Variants in MLLT10 observed in about 807,000 individuals in gnomAD.
MLLT10 encodes protein AF-10.
Under a neutral mutation model 129.1 loss-of-function variants are expected in MLLT10, and 30 were observed. The ratio of observed to expected loss-of-function variants is 0.23; its 90% CI spans 0.17 to 0.32. The LOEUF (loss-of-function observed/expected upper bound fraction) is 0.32. Ranked by LOEUF, MLLT10 falls within the 10% of genes least tolerant of loss-of-function variation. The pLI is 1.00. For missense variants in MLLT10, 1,119 were observed against 1,268.3 expected (o/e 0.88, Z 1.79); for synonymous variants, 490 against 446.4 (o/e 1.10, Z -1.23).
chr10:21,576,015 C>T (rs2040698238), intron 3 of MLLT10, among the ~76,000 whole-genome samples: 1 of 151,862 alleles, frequency 6.6e-6, no homozygotes, highest in Admixed American at 6.6e-5. Flanking sequence ...CAGCCTTTGC[C>T]TCCTAGATTC....
intron 14 of MLLT10, among the ~76,000 whole-genome samples, chr10:21,716,643 G>A (rs1472792513): frequency 1.5e-4 from 22 of 150,640 alleles, no homozygotes; most frequent in Admixed American, 1.1e-3. Context: ...GTAGTGAGCC[G>A]AGATCATGCC....
intron 8 of MLLT10, among the ~76,000 whole-genome samples, chr10:21,638,102 C>T (rs994584655): frequency 6.6e-6 from 1 of 151,852 alleles, no homozygotes; most frequent in African/African-American, 2.4e-5. Flanking sequence ...ACGTGCTGCT[C>T]TTCTTGGTGG....
rs532579622 is a variant in MLLT10, at chr10:21,621,938, A to T, written c.699+4731A>T. Among the ~76,000 whole-genome samples the T allele has an allele frequency of 9.2e-5, 14 of 152,288 alleles. No homozygotes were observed. The South Asian group carries it at 2.5e-3, about 27-fold the overall frequency. ...AAATACTGTGGTATCCAAATTATTTAAAAATGAAATAACTTAATTTACAAC... is the reference window on the plus strand; with the variant it reads ...AAATACTGTGGTATCCAAATTATTTTAAAATGAAATAACTTAATTTACAAC... On this transcript the variant is annotated intron_variant, in intron 8 of 22. Coordinates refer to ENST00000307729, the MANE Select transcript of MLLT10 (RefSeq NM_001195626.3).
At chr10:21,727,982 A>G (rs2057656742) in intron 16 of MLLT10, 54 bp downstream of exon 16, 1 of 1,464,428 alleles carries the variant, frequency 6.8e-7, no homozygotes, top group Non-Finnish European at 9.5e-7. Flanking sequence ...TGAGATTTGG[A>G]AACTTTCTTA....
chr10:21,549,717 A>G lies in MLLT10; in HGVS notation c.240+10805A>G, dbSNP rs556157084. On this transcript the variant is annotated intron_variant, in intron 3 of 22. Coordinates refer to ENST00000307729, the MANE Select transcript of MLLT10 (RefSeq NM_001195626.3). The stretch of plus-strand genomic sequence containing the variant: ...TGCTCTGTTGCCCAGGCTGGAATGC[A>G]GTGGCCGCGATCCTCTACTTCCCGG... Among the ~76,000 whole-genome samples, 11 of 142,902 alleles carry G rather than the reference A, an allele frequency of 7.7e-5. No individual in the cohort carries two copies. In the East Asian group the frequency reaches 2.2e-3, roughly 29 times the overall value. The allele number at this position is 142,902 out of a possible 152,430, so 93.7% of individuals were successfully genotyped here.
rs570867099 is a variant in MLLT10, at chr10:21,563,031, C to CTGG, written c.241-23261_241-23259dup. Among the ~76,000 whole-genome samples the CTGG allele has an allele frequency of 5.2e-3, 796 of 152,014 alleles. 4 individuals carry two copies. The highest frequency in any genetic ancestry group is 0.024 in the Middle Eastern group (7 of 294). Reference sequence around the variant, plus strand: ...ACAGGGTTTCTCCATGTTGGTCAGGCTGGTCTTGAACTCCCAACCTCAGGT... The same window carrying CTGG: ...ACAGGGTTTCTCCATGTTGGTCAGGCTGGTGGTCTTGAACTCCCAACCTCAGGT... On this transcript the variant is annotated intron_variant, in intron 3 of 22. Coordinates refer to ENST00000307729, the MANE Select transcript of MLLT10 (RefSeq NM_001195626.3).
chr10:21,559,982 T>A (rs1401248571), intron 3 of MLLT10, among the ~76,000 whole-genome samples: 2 of 152,216 alleles, frequency 1.3e-5, no homozygotes. Flanking sequence ...GGAATGAAGT[T>A]GCTGGATCAC....
At chr10:21,737,329 AC>A (rs1345265206) in intron 21 of MLLT10, among the ~76,000 whole-genome samples, 1 of 152,152 alleles carries the variant, frequency 6.6e-6, no homozygotes, top group Non-Finnish European at 1.5e-5. Flanking sequence ...AAGACATGTC[AC>A]TTTGGAAAGC....
At chr10:21,688,535 A>G (rs1374363938) in intron 13 of MLLT10, 15 of 1,612,068 alleles carry the variant, frequency 9.3e-6, no homozygotes, top group Non-Finnish European at 1.1e-5. Context: ...ACTTAAATTC[A>G]TAGGTATGTA....
chr10:21,574,899 T>C (rs1454633587), intron 3 of MLLT10, among the ~76,000 whole-genome samples: 2 of 152,172 alleles, frequency 1.3e-5, no homozygotes, highest in African/African-American at 4.8e-5. Flanking sequence ...GCAAGGTTTT[T>C]ATGTCTTGTA....
intron 3 of MLLT10, chr10:21,557,748 CCAT>C (rs1235200230): frequency 1.3e-5 from 2 of 151,972 alleles, no homozygotes; most frequent in Non-Finnish European, 2.9e-5. Context: ...GATCATGTGC[CCAT>C]CATCTCTGTG....
rs1340910463 is a variant in MLLT10 at position 21,534,625 on chromosome 10, T to A, written c.1-20T>A. On this transcript the variant is annotated intron_variant, in intron 1 of 22. Coordinates refer to ENST00000307729, the MANE Select transcript of MLLT10 (RefSeq NM_001195626.3). ...TCGGCTTGCATGTGTTTTTTAATGG[T>A]CCCCCCAACTCCCTCTTAGATGGTC... The A allele has an allele frequency of 1.3e-6, 2 of 1,590,602 alleles. No homozygotes were observed. Among genetic ancestry groups the A allele is most frequent in the Non-Finnish European group, 1.7e-6 (2 of 1,166,856 alleles).
At chr10:21,571,337 C>G (rs1014488628) in intron 3 of MLLT10, among the ~76,000 whole-genome samples, 2 of 152,222 alleles carry the variant, frequency 1.3e-5, no homozygotes, top group African/African-American at 4.8e-5. Flanking sequence ...CTCTCCAGCT[C>G]TCTACTCAGT....
intron 3 of MLLT10, among the ~76,000 whole-genome samples, chr10:21,560,163 A>C (rs1302560911): frequency 6.6e-6 from 1 of 151,684 alleles, no homozygotes; most frequent in East Asian, 1.9e-4. Flanking sequence ...GCGCCACCAC[A>C]CCCGGCTAAT....
intron 8 of MLLT10, among the ~76,000 whole-genome samples, chr10:21,630,853 C>T (rs1055557995): frequency 3.9e-5 from 6 of 152,148 alleles, no homozygotes; most frequent in African/African-American, 1.2e-4. Context: ...GAAGGAGAGT[C>T]TGAATGAAAG....
At chr10:21,682,173 T>C in intron 12 of MLLT10, 52 bp from the exon 13 acceptor site, 1 of 1,506,636 alleles carries the variant, frequency 6.6e-7, no homozygotes, top group Non-Finnish European at 9.1e-7. Flanking sequence ...GTATTTCTTT[T>C]GTGTGTTTGA....
At chr10:21,554,561 C>A (rs570966213) in intron 3 of MLLT10, among the ~76,000 whole-genome samples, 1 of 151,396 alleles carries the variant, frequency 6.6e-6, no homozygotes, top group South Asian at 2.1e-4. Context: ...TCAAGTGATT[C>A]CCCTGCCTCA....
chr10:21,585,161 C>T (rs1339990646), intron 3 of MLLT10, among the ~76,000 whole-genome samples: 1 of 151,542 alleles, frequency 6.6e-6, no homozygotes, highest in African/African-American at 2.4e-5. Context: ...TGGGCTCAAG[C>T]GATCTACCTA....
rs139850565 is a variant in MLLT10 at position 21,696,503 on chromosome 10, C to G, written c.1699+14246C>G. 2.6e-5 allele frequency among the ~76,000 whole-genome samples: 4 copies of G among 152,292 alleles called. No individual in the cohort carries two copies. In the East Asian group the frequency reaches 7.7e-4, roughly 29 times the overall value. On this transcript the variant is annotated intron_variant, in intron 13 of 22. Coordinates refer to ENST00000307729, the MANE Select transcript of MLLT10 (RefSeq NM_001195626.3). ...ACTACTCCAGTCAGGTCAAGAATGG[C>G]TCTCACATTGCCAAGTCAGTGGGTA...
Sources: gnomAD v4.1 joint callset for allele counts (sites outside exome capture counted in the v4.1 genomes callset) on GRCh38, gnomAD v4.1.1 for gene constraint, MANE v1.5 for transcripts, NCBI Gene and HGNC (gene_info 2026-07-23, HGNC 2026-07-21) for gene names.